C10orf90: variants seen among roughly 807,000 people sequenced by gnomAD.
The protein encoded by C10orf90 is (E2-independent) E3 ubiquitin-conjugating enzyme FATS.
A neutral mutation model predicts 62.5 loss-of-function variants in C10orf90; 56 were observed. That is an observed-to-expected ratio of 0.90 (90% CI 0.72 to 1.12). The LOEUF (loss-of-function observed/expected upper bound fraction) is 1.12. C10orf90 is among the 50% of genes most tolerant of loss of function. C10orf90 has a pLI of 0.00. For synonymous variants in C10orf90, 386 were observed against 340.4 expected, an observed-to-expected ratio of 1.13 and a Z score of -1.47; for missense variants, 970 against 880.4, an observed-to-expected ratio of 1.10 and a Z score of -1.29.
At chr10:126,567,148 T>C (rs1443528578) in intron 2 of C10orf90, among the ~76,000 whole-genome samples, 2 of 152,130 alleles carry the variant, frequency 1.3e-5, no homozygotes, top group Non-Finnish European at 2.9e-5. Context: ...CGCATTGCTA[T>C]AAAGAAATAC....
At chr10:126,496,801 A>G (rs1417745714) in intron 4 of C10orf90, 1 of 788,166 alleles carries the variant, frequency 1.3e-6, no homozygotes, top group East Asian at 1.3e-4. Context: ...TTGTTGGGTC[A>G]TCAACGTAAC....
chr10:126,539,472 T>C (rs1411141881), intron 2 of C10orf90, among the ~76,000 whole-genome samples: 14 of 152,172 alleles, frequency 9.2e-5, no homozygotes, highest in Admixed American at 8.5e-4. Context: ...GCTACTGCCA[T>C]GTACCATGCT....
chr10:126,523,686 T>C (rs1863847384), intron 2 of C10orf90: 1 of 152,174 alleles, frequency 6.6e-6, no homozygotes, highest in African/African-American at 2.4e-5. Context: ...TAGAACTCTT[T>C]AACCTGCAAA....
chr10:126,487,322 T>A (rs1343760840), intron 4 of C10orf90, among the ~76,000 whole-genome samples: 1 of 151,810 alleles, frequency 6.6e-6, no homozygotes. Flanking sequence ...GGATAACACA[T>A]CATTAAAAGA....
At chr10:126,440,929 C>G (rs1031359819) in intron 7 of C10orf90, among the ~76,000 whole-genome samples, 3 of 152,146 alleles carry the variant, frequency 2.0e-5, no homozygotes, top group Non-Finnish European at 4.4e-5. Flanking sequence ...ACAGAGCCTA[C>G]CCACATGAAA....
intron 2 of C10orf90, among the ~76,000 whole-genome samples, chr10:126,608,649 TC>T (rs1323940673): frequency 6.6e-6 from 1 of 152,236 alleles, no homozygotes; most frequent in African/African-American, 2.4e-5. Flanking sequence ...AGACAGCACA[TC>T]ACAATGGATT....
Position 126,425,600 on chromosome 10 carries a change from C to A in C10orf90, c.*264G>T, listed in dbSNP as rs538564391. 2.1e-6 allele frequency: 1 copy of A among 469,406 alleles called. No individual in the cohort carries two copies. The highest frequency in any genetic ancestry group is 3.7e-6 in the Non-Finnish European group (1 of 269,758). 29.1% of individuals were successfully genotyped at this position (469,406 alleles called of 1,614,324 possible). A position where few individuals can be genotyped will look rare whatever the true frequency, so the allele number is the denominator to read the frequency against. On this transcript the variant is annotated 3_prime_UTR_variant, in exon 10 of 10. Transcript: ENST00000488181. ...AGAAGCAAAAGGTACAATTTAGAAG[C>A]AAAAACATTAAGGGGACTGTATCCA...
At chr10:126,491,816 A>G (rs1861787544) in intron 4 of C10orf90, among the ~76,000 whole-genome samples, 1 of 152,240 alleles carries the variant, frequency 6.6e-6, no homozygotes, top group Non-Finnish European at 1.5e-5. Context: ...TATCTCATCC[A>G]TGGTCTGTGG....
intron 1 of C10orf90, among the ~76,000 whole-genome samples, chr10:126,651,047 C>T (rs906174010): frequency 6.6e-6 from 1 of 152,202 alleles, no homozygotes; most frequent in Non-Finnish European, 1.5e-5. Flanking sequence ...TGAGCTTTGA[C>T]TAAACATTGT....
chr10:126,522,337 C>T (rs1439599987), intron 2 of C10orf90, among the ~76,000 whole-genome samples: 1 of 152,162 alleles, frequency 6.6e-6, no homozygotes, highest in Admixed American at 6.5e-5. Context: ...AGGGTGAGTT[C>T]CCCACTGCTG....
chr10:126,657,068 G>A (rs1291799653), intron 1 of C10orf90, among the ~76,000 whole-genome samples: 1 of 152,150 alleles, frequency 6.6e-6, no homozygotes, highest in Non-Finnish European at 1.5e-5. Flanking sequence ...TCATGGGTGT[G>A]AGACCCGTGA....
chr10:126,509,515 A>G (rs1862967908), intron 3 of C10orf90, among the ~76,000 whole-genome samples: 2 of 152,230 alleles, frequency 1.3e-5, no homozygotes, highest in African/African-American at 4.8e-5. Context: ...CAATACATTG[A>G]AATTTTGCTG....
chr10:126,654,578 G>A (rs1222513114), intron 1 of C10orf90, among the ~76,000 whole-genome samples: 2 of 152,138 alleles, frequency 1.3e-5, no homozygotes, highest in African/African-American at 4.8e-5. Context: ...TCAGCAATAA[G>A]GCTGTTCTAC....
At chr10:126,460,649 G>GCTGTCCA (rs200218594) in intron 6 of C10orf90, among the ~76,000 whole-genome samples, 2,612 of 152,244 alleles carry the variant, frequency 0.017, 35 homozygotes, top group Non-Finnish European at 0.025. Flanking sequence ...TGCTGCCTTG[G>GCTGTCCA]CTGTCCACCC....
At chr10:126,452,714 TCACAG>T (rs1376673783) in intron 7 of C10orf90, among the ~76,000 whole-genome samples, 1 of 152,226 alleles carries the variant, frequency 6.6e-6, no homozygotes, top group East Asian at 1.9e-4. Flanking sequence ...ACATAAAACC[TCACAG>T]TGTCTGTGAA....
intron 1 of C10orf90, among the ~76,000 whole-genome samples, chr10:126,649,060 CTCTCTCTCT>C (rs1182821554): frequency 1.4e-4 from 8 of 58,092 alleles, no homozygotes; most frequent in South Asian, 7.2e-4. Flanking sequence ...CTCTCTCTCT[CTCTCTCTCT>C]CTCCCCCCCC....
At chr10:126,455,695 A>G (rs1859512037) in intron 7 of C10orf90, among the ~76,000 whole-genome samples, 1 of 152,232 alleles carries the variant, frequency 6.6e-6, no homozygotes, top group Non-Finnish European at 1.5e-5. Context: ...AGACAGGTAC[A>G]GACTGTAGCT....
chr10:126,573,306 G>A (rs190866424), intron 2 of C10orf90, among the ~76,000 whole-genome samples: 3 of 152,314 alleles, frequency 2.0e-5, no homozygotes, highest in Admixed American at 6.5e-5. Flanking sequence ...TACAATGTCC[G>A]TAATCTATAG....
At chr10:126,444,695 A>G (rs1223955355) in intron 7 of C10orf90, among the ~76,000 whole-genome samples, 2 of 152,202 alleles carry the variant, frequency 1.3e-5, no homozygotes, top group Admixed American at 1.3e-4. Flanking sequence ...TGAAATCAAA[A>G]AAGAGCCCAC....
Sources: gnomAD v4.1 joint callset for allele counts (sites outside exome capture counted in the v4.1 genomes callset) on GRCh38, gnomAD v4.1.1 for gene constraint, MANE v1.5 for transcripts, NCBI Gene and HGNC (gene_info 2026-07-23, HGNC 2026-07-21) for gene names.